KCNMA1: variants seen among roughly 807,000 people sequenced by gnomAD.
KCNMA1 encodes the protein potassium calcium-activated channel subfamily M alpha 1.
KCNMA1 carries 29 observed loss-of-function variants against 140.0 expected under a neutral mutation model. The observed-to-expected ratio is 0.21, with a 90% CI of 0.15 to 0.28. The LOEUF (loss-of-function observed/expected upper bound fraction) is 0.28. Among genes scored for constraint, KCNMA1 ranks in the 10% least tolerant of loss-of-function variants. The pLI is 1.00. For missense variants in KCNMA1, 880 were observed against 1,602.2 expected, an observed-to-expected ratio of 0.55 and a Z score of 7.70; for synonymous variants, 612 against 611.9, an observed-to-expected ratio of 1.00 and a Z score of 0.00.
At chr10:77,096,614 T>C (rs2096939382) in intron 9 of KCNMA1, among the ~76,000 whole-genome samples, 1 of 152,214 alleles carries the variant, frequency 6.6e-6, no homozygotes, top group South Asian at 2.1e-4. Context: ...TTTTTAAAGA[T>C]ACTATATCCA....
chr10:77,299,386 T>G (rs995842141), intron 2 of KCNMA1, among the ~76,000 whole-genome samples: 3 of 152,192 alleles, frequency 2.0e-5, no homozygotes, highest in African/African-American at 7.2e-5. Flanking sequence ...ACAGCCTGCA[T>G]GAGCAGCAGA....
In KCNMA1 at chr10:76,970,045, T is replaced by C. The variant is rs200873170; in HGVS notation, c.2289A>G (p.Thr763=). ...FRAFEDEQPS[T]LSPKKKQRNG... ...TCCGTTGCTTTTTTTTTGGTGATAG[T>C]GTTGACGGCTGCTCATCTTCAACTG... Residue 763 remains threonine (T), a synonymous_variant, in exon 20 of 28, where the codon ACA becomes ACG. Transcript: ENST00000286628. 6.8e-6 allele frequency: 11 copies of C among 1,613,678 alleles called. No homozygotes were observed. Among genetic ancestry groups the C allele is most frequent in the South Asian group, 6.6e-5 (6 of 91,074 alleles).
chr10:77,374,381 T>C (rs991127568), intron 2 of KCNMA1, among the ~76,000 whole-genome samples: 1 of 152,220 alleles, frequency 6.6e-6, no homozygotes, highest in Non-Finnish European at 1.5e-5. Context: ...ACTCCCTCCA[T>C]CCATCAGTTT....
intron 1 of KCNMA1, among the ~76,000 whole-genome samples, chr10:77,537,819 C>G (rs888894008): frequency 2.8e-4 from 43 of 152,042 alleles, no homozygotes; most frequent in African/African-American, 1.0e-3. Context: ...GACTGCAACA[C>G]GCTGCCTGCT....
chr10:76,945,504 T>C (rs904488163), intron 22 of KCNMA1, among the ~76,000 whole-genome samples: 1 of 152,072 alleles, frequency 6.6e-6, no homozygotes, highest in African/African-American at 2.4e-5. Context: ...TTGGAGGCTA[T>C]GGATGGAGTG....
At chr10:77,439,320 C>T (rs658906) in intron 1 of KCNMA1, among the ~76,000 whole-genome samples, 152,351 of 152,362 alleles carry the variant, frequency 1, 76,170 homozygotes, top group Middle Eastern at 1. Context: ...TTGGTTCCAT[C>T]TGAAAAGCAA....
At chr10:77,374,744 C>T (rs908920176) in intron 2 of KCNMA1, among the ~76,000 whole-genome samples, 3 of 152,118 alleles carry the variant, frequency 2.0e-5, no homozygotes, top group African/African-American at 7.2e-5. Flanking sequence ...GAATACAAAC[C>T]CCAAAAACAA....
At chr10:77,292,202 G>A (rs1477687919) in intron 2 of KCNMA1, among the ~76,000 whole-genome samples, 1 of 152,130 alleles carries the variant, frequency 6.6e-6, no homozygotes, top group African/African-American at 2.4e-5. Flanking sequence ...AGACCCCGCC[G>A]GGCCTCAGGA....
At chr10:76,932,973 C>T (rs979802114) in intron 23 of KCNMA1, among the ~76,000 whole-genome samples, 48 of 152,228 alleles carry the variant, frequency 3.2e-4, no homozygotes, top group African/African-American at 1.1e-3. Context: ...TGTAATAGTA[C>T]ATTCAGCGAG....
chr10:77,132,593 C>A (rs995368554), intron 5 of KCNMA1, among the ~76,000 whole-genome samples: 1 of 148,790 alleles, frequency 6.7e-6, no homozygotes, highest in African/African-American at 2.5e-5. Flanking sequence ...GGCGCGATCT[C>A]GGCTCACTGC....
chr10:77,284,073 T>C (rs2069728452), intron 2 of KCNMA1, among the ~76,000 whole-genome samples: 1 of 152,058 alleles, frequency 6.6e-6, no homozygotes, highest in Non-Finnish European at 1.5e-5. Flanking sequence ...CAAGAAAGAC[T>C]ATGGCGTGGT....
chr10:77,175,887 C>G (rs911595953), intron 5 of KCNMA1, among the ~76,000 whole-genome samples: 15 of 152,222 alleles, frequency 9.9e-5, no homozygotes, highest in African/African-American at 3.6e-4. Flanking sequence ...TCTGCCTCCA[C>G]TCTCTGGCCA....
chr10:77,244,993 T>C (rs1480143407), intron 3 of KCNMA1, among the ~76,000 whole-genome samples: 1 of 152,034 alleles, frequency 6.6e-6, no homozygotes, highest in African/African-American at 2.4e-5. Flanking sequence ...CCTTGAACTT[T>C]CCCTACCCAT....
intron 24 of KCNMA1, chr10:76,914,324 G>A (rs573249342): frequency 3.4e-6 from 2 of 584,356 alleles, no homozygotes; most frequent in Non-Finnish European, 6.1e-6. Context: ...GTAACAGGGA[G>A]TGCCATGGCC....
At chr10:77,535,172 C>T (rs1170889277) in intron 1 of KCNMA1, among the ~76,000 whole-genome samples, 1 of 152,162 alleles carries the variant, frequency 6.6e-6, no homozygotes, top group Non-Finnish European at 1.5e-5. Context: ...TTACTAAGCA[C>T]ATCTTAATTC....
At chr10:77,281,252 T>C (rs2068491553) in intron 2 of KCNMA1, among the ~76,000 whole-genome samples, 1 of 152,188 alleles carries the variant, frequency 6.6e-6, no homozygotes, top group African/African-American at 2.4e-5. Context: ...TCCAAAGGAC[T>C]GCCCTTAGGA....
intron 3 of KCNMA1, among the ~76,000 whole-genome samples, chr10:77,218,107 C>A (rs2154185005): frequency 6.6e-6 from 1 of 152,164 alleles, no homozygotes; most frequent in African/African-American, 2.4e-5. Flanking sequence ...AGATAAGTAT[C>A]TCCCCTGGGT....
chr10:77,587,811 G>A (rs2154564116), intron 1 of KCNMA1: 1 of 985,320 alleles, frequency 1.0e-6, no homozygotes, highest in East Asian at 1.1e-4. Context: ...CAGGGCCCCA[G>A]GTGGAGTTAT....
At chr10:77,356,354 G>C (rs2093478853) in intron 2 of KCNMA1, among the ~76,000 whole-genome samples, 1 of 152,162 alleles carries the variant, frequency 6.6e-6, no homozygotes, top group Non-Finnish European at 1.5e-5. Flanking sequence ...AAATTAAATT[G>C]ATACATAATT....
Sources: allele counts gnomAD v4.1 joint callset (sites outside exome capture counted in the v4.1 genomes callset), GRCh38; gene constraint gnomAD v4.1.1; transcripts MANE v1.5; gene names NCBI Gene and HGNC (gene_info 2026-07-23, HGNC 2026-07-21).